Variants in ADGRL3 observed in about 807,000 individuals in gnomAD.
ADGRL3 encodes adhesion G protein-coupled receptor L3, also known as calcium-independent alpha-latrotoxin receptor 3.
ADGRL3 carries 62 observed loss-of-function variants against 153.5 expected under a neutral mutation model. The ratio of observed to expected loss-of-function variants is 0.40; its 90% CI spans 0.33 to 0.50. The LOEUF (loss-of-function observed/expected upper bound fraction) is 0.50. Ranked by LOEUF, ADGRL3 falls within the 20% of genes least tolerant of loss-of-function variation. ADGRL3 has a pLI of 0.47. For synonymous variants in ADGRL3, 710 were observed against 672.5 expected, an observed-to-expected ratio of 1.06 and a Z score of -0.86; for missense variants, 1,641 against 1,859.4, an observed-to-expected ratio of 0.88 and a Z score of 2.16.
chr4:61,440,847 C>A (rs1242101087), intron 2 of ADGRL3, among the ~76,000 whole-genome samples: 4 of 152,092 alleles, frequency 2.6e-5, no homozygotes, highest in Non-Finnish European at 5.9e-5. Flanking sequence ...AACAGAATTA[C>A]AATTAACTGT....
chr4:61,886,139 G>A (rs537139847), intron 9 of ADGRL3, among the ~76,000 whole-genome samples: 1 of 152,120 alleles, frequency 6.6e-6, no homozygotes, highest in Non-Finnish European at 1.5e-5. Context: ...GGAGGCCATG[G>A]AGCCAAGTAT....
chr4:61,432,582 CTT>C (rs768721472), intron 2 of ADGRL3, among the ~76,000 whole-genome samples: 1 of 17,984 alleles, frequency 5.6e-5, no homozygotes, highest in African/African-American at 3.1e-4. Context: ...TCCTTTCTTT[CTT>C]TCTTTCTTTC....
chr4:61,205,711 T>G (rs1164847269), intron 1 of ADGRL3, among the ~76,000 whole-genome samples: 2 of 152,320 alleles, frequency 1.3e-5, no homozygotes, highest in African/African-American at 4.8e-5. Context: ...CATTTTTCCT[T>G]GGTTATCTTT....
At chr4:61,597,297 A>G (rs1309719360) in intron 5 of ADGRL3, among the ~76,000 whole-genome samples, 1 of 152,162 alleles carries the variant, frequency 6.6e-6, no homozygotes, top group Non-Finnish European at 1.5e-5. Flanking sequence ...AAAGACAAGA[A>G]GGAGAGATAG....
intron 9 of ADGRL3, among the ~76,000 whole-genome samples, chr4:61,877,518 T>A (rs2098482638): frequency 1.3e-5 from 2 of 152,230 alleles, no homozygotes. Context: ...TGCAGAGAAC[T>A]ACACACATGC....
At chr4:61,255,273 G>A (rs2091851419) in intron 1 of ADGRL3, among the ~76,000 whole-genome samples, 1 of 152,154 alleles carries the variant, frequency 6.6e-6, no homozygotes, top group Admixed American at 6.5e-5. Context: ...AGAAGTTATA[G>A]TATATTCAGA....
intron 1 of ADGRL3, among the ~76,000 whole-genome samples, chr4:61,213,574 C>G (rs1447439609): frequency 6.6e-6 from 1 of 152,076 alleles, no homozygotes; most frequent in Non-Finnish European, 1.5e-5. Context: ...CCACTGTGTT[C>G]ACAGAGATTA....
At chr4:61,909,770 TG>T in intron 12 of ADGRL3, 25 bp downstream of exon 12, 1 of 1,232,464 alleles carries the variant, frequency 8.1e-7, no homozygotes, top group Non-Finnish European at 1.1e-6. Flanking sequence ...TATGTGTGTG[TG>T]TGTGTGTGTG....
chr4:61,692,869 A>G (rs546307907), intron 6 of ADGRL3, among the ~76,000 whole-genome samples: 1 of 152,282 alleles, frequency 6.6e-6, no homozygotes, highest in South Asian at 2.1e-4. Flanking sequence ...ACAAACATCT[A>G]GTGGGTACCT....
intron 19 of ADGRL3, among the ~76,000 whole-genome samples, chr4:61,986,457 A>G (rs1467210551): frequency 1.3e-5 from 2 of 152,174 alleles, no homozygotes; most frequent in African/African-American, 2.4e-5. Context: ...AATCAATAAT[A>G]TGTAGCCTCT....
At chr4:61,750,222 C>G (rs139124710) in intron 8 of ADGRL3, among the ~76,000 whole-genome samples, 18 of 142,916 alleles carry the variant, frequency 1.3e-4, no homozygotes, top group Non-Finnish European at 2.6e-4. Flanking sequence ...GTATTCCCTA[C>G]TATTTTTTAG....
intron 1 of ADGRL3, among the ~76,000 whole-genome samples, chr4:61,355,076 CTTA>C (rs936382196): frequency 6.6e-6 from 1 of 152,042 alleles, no homozygotes; most frequent in African/African-American, 2.4e-5. Flanking sequence ...GCAGAGACTT[CTTA>C]TTCTAAGGCC....
chr4:61,846,340 T>G lies in ADGRL3; in HGVS notation c.1480+32451T>G, dbSNP rs2098116344. Among the ~76,000 whole-genome samples the G allele has an allele frequency of 1.3e-5, 2 of 151,906 alleles. 1 individual carries two copies. The highest frequency in any genetic ancestry group is 1.3e-4 in the Admixed American group (2 of 15,246). Reference sequence around the variant, plus strand: ...TCTAAAAAAAAAAAAATTCATAAAGTACTTTTTATTAAAAAGTTACACATA... The same window carrying G: ...TCTAAAAAAAAAAAAATTCATAAAGGACTTTTTATTAAAAAGTTACACATA... On this transcript the variant is annotated intron_variant, in intron 9 of 26. Transcript: ENST00000683033.
intron 1 of ADGRL3, among the ~76,000 whole-genome samples, chr4:61,290,437 G>A (rs1578138556): frequency 6.6e-6 from 1 of 151,962 alleles, no homozygotes; most frequent in Non-Finnish European, 1.5e-5. Context: ...ATTTCTCTAT[G>A]TTTAAGCACA....
intron 2 of ADGRL3, among the ~76,000 whole-genome samples, chr4:61,489,152 A>G (rs1384859258): frequency 6.6e-6 from 1 of 151,992 alleles, no homozygotes; most frequent in Non-Finnish European, 1.5e-5. Flanking sequence ...ACCACCTGGT[A>G]AAATAAGTAT....
chr4:61,898,654 T>A (rs975386847), intron 11 of ADGRL3, among the ~76,000 whole-genome samples: 2 of 151,704 alleles, frequency 1.3e-5, no homozygotes, highest in Non-Finnish European at 2.9e-5. Flanking sequence ...AGTCTCGCTC[T>A]GTCACCCAGG....
chr4:62,002,248 C>T (rs539491305), intron 21 of ADGRL3, among the ~76,000 whole-genome samples: 1 of 147,424 alleles, frequency 6.8e-6, no homozygotes, highest in Non-Finnish European at 1.5e-5. Context: ...GCCCATTAAA[C>T]CTCCCTGATC....
chr4:61,923,490 T>C (rs565854509), intron 13 of ADGRL3, among the ~76,000 whole-genome samples: 107 of 152,274 alleles, frequency 7.0e-4, no homozygotes, highest in African/African-American at 2.3e-3. Flanking sequence ...ATCAGACTCC[T>C]GTTGCTAATT....
At chr4:61,793,801 A>C (rs1439901974) in intron 8 of ADGRL3, among the ~76,000 whole-genome samples, 1 of 152,184 alleles carries the variant, frequency 6.6e-6, no homozygotes, top group Non-Finnish European at 1.5e-5. Context: ...AAACTTGATG[A>C]AACTTACCTT....
Sources: allele counts gnomAD v4.1 joint callset (sites outside exome capture counted in the v4.1 genomes callset), GRCh38; gene constraint gnomAD v4.1.1; transcripts MANE v1.5; gene names NCBI Gene and HGNC (gene_info 2026-07-23, HGNC 2026-07-21).